TBC1D5: variants seen among roughly 807,000 people sequenced by gnomAD.
TBC1D5 encodes the protein TBC1 domain family member 5, also known as TBC1 domain family, member 5.
TBC1D5 carries 75 observed loss-of-function variants against 100.3 expected under a neutral mutation model. That is an observed-to-expected ratio of 0.75 (90% CI 0.62 to 0.91). The LOEUF is 0.91. TBC1D5 is among the 40% of genes least tolerant of loss of function. The pLI is 0.00. For missense variants in TBC1D5, 910 were observed against 942.4 expected, an observed-to-expected ratio of 0.97 and a Z score of 0.45; for synonymous variants, 323 against 325.6, an observed-to-expected ratio of 0.99 and a Z score of 0.09.
At chr3:17,668,550 A>T (rs530931598) in intron 1 of TBC1D5, among the ~76,000 whole-genome samples, 2 of 152,104 alleles carry the variant, frequency 1.3e-5, no homozygotes, top group African/African-American at 4.8e-5. Flanking sequence ...TACTAATATA[A>T]TCTATTAATA....
At position 17,299,784 on chromosome 3, in the gene TBC1D5, G is replaced by A. The variant is rs1026323378; in HGVS notation, c.1139-7783C>T. The stretch of plus-strand genomic sequence containing the variant: ...TGAGGCAGGAGAATGGCGTGAACCC[G>A]GGAGGCGGAGCTTGCAGTGAGCCGA... On this transcript the variant is annotated intron_variant, in intron 14 of 21. Transcript: ENST00000253692. Among the ~76,000 whole-genome samples, 8 of 148,438 alleles carry A rather than the reference G, an allele frequency of 5.4e-5. No individual in the cohort carries two copies. In the East Asian group the frequency reaches 1.2e-3, roughly 22 times the overall value.
chr3:17,166,416 G>C (rs2066601908), intron 21 of TBC1D5, among the ~76,000 whole-genome samples: 1 of 152,176 alleles, frequency 6.6e-6, no homozygotes, highest in Non-Finnish European at 1.5e-5. Flanking sequence ...TTCCTAAAGG[G>C]GAAAAGAGGC....
intron 13 of TBC1D5, chr3:17,337,725 A>G (rs887550482): frequency 6.6e-6 from 1 of 152,202 alleles, no homozygotes; most frequent in Non-Finnish European, 1.5e-5. Context: ...TAACATCTCT[A>G]TATAATCCAA....
intron 2 of TBC1D5, among the ~76,000 whole-genome samples, chr3:17,551,643 G>C (rs1291205792): frequency 6.6e-6 from 1 of 152,134 alleles, no homozygotes. Context: ...AAGTAGTTCT[G>C]TAATGAGGGA....
At chr3:17,449,661 G>A (rs1352120272) in intron 3 of TBC1D5, among the ~76,000 whole-genome samples, 1 of 152,206 alleles carries the variant, frequency 6.6e-6, no homozygotes, top group Middle Eastern at 3.2e-3. Context: ...CAAAGCTGCT[G>A]TAGCCAGGCT....
chr3:17,631,512 G>A (rs1188287211), intron 1 of TBC1D5, among the ~76,000 whole-genome samples: 3 of 152,186 alleles, frequency 2.0e-5, no homozygotes, highest in Non-Finnish European at 2.9e-5. Flanking sequence ...ACAATATACA[G>A]TATCTTCTTT....
chr3:17,425,336 TA>T (rs1036331086), intron 4 of TBC1D5, among the ~76,000 whole-genome samples: 1 of 152,172 alleles, frequency 6.6e-6, no homozygotes, highest in Non-Finnish European at 1.5e-5. Flanking sequence ...ACATTGTTTT[TA>T]AAAAACAGAC....
chr3:17,729,268 A>G (rs1240715359), intron 1 of TBC1D5, among the ~76,000 whole-genome samples: 3 of 151,088 alleles, frequency 2.0e-5, no homozygotes, highest in Non-Finnish European at 4.4e-5. Context: ...TATTACACAT[A>G]CCCTCTCATA....
chr3:17,172,052 T>C (rs1325688094), intron 19 of TBC1D5, among the ~76,000 whole-genome samples: 2 of 152,198 alleles, frequency 1.3e-5, no homozygotes, highest in African/African-American at 4.8e-5. Flanking sequence ...AAGGACCACC[T>C]TCTAGGATCT....
chr3:17,217,882 A>G (rs2073839796), intron 17 of TBC1D5, among the ~76,000 whole-genome samples: 1 of 151,746 alleles, frequency 6.6e-6, no homozygotes. Flanking sequence ...TCATCTACCT[A>G]TTTTTTCTTT....
intron 2 of TBC1D5, among the ~76,000 whole-genome samples, chr3:17,548,454 T>A: frequency 6.6e-6 from 1 of 152,174 alleles, no homozygotes; most frequent in Non-Finnish European, 1.5e-5. Flanking sequence ...AAGTTTTGTA[T>A]TATAAAAGGA....
At chr3:17,634,482 CA>C (rs1315635620) in intron 1 of TBC1D5, among the ~76,000 whole-genome samples, 1 of 152,020 alleles carries the variant, frequency 6.6e-6, no homozygotes, top group East Asian at 1.9e-4. Context: ...CAGAGAAAGA[CA>C]AATATCACAT....
chr3:17,598,176 T>C (rs1482026870), intron 2 of TBC1D5, among the ~76,000 whole-genome samples: 3 of 152,196 alleles, frequency 2.0e-5, no homozygotes, highest in Non-Finnish European at 4.4e-5. Context: ...AAGCTGCAGA[T>C]TCAACTTGAC....
At chr3:17,728,641 A>C (rs1033982477) in intron 1 of TBC1D5, among the ~76,000 whole-genome samples, 2 of 152,196 alleles carry the variant, frequency 1.3e-5, no homozygotes, top group East Asian at 3.8e-4. Flanking sequence ...AAGGTAACTT[A>C]ATAAATTATG....
intron 19 of TBC1D5, among the ~76,000 whole-genome samples, chr3:17,180,349 C>A (rs2068297914): frequency 6.6e-6 from 1 of 152,050 alleles, no homozygotes; most frequent in Non-Finnish European, 1.5e-5. Flanking sequence ...AATTAAAGGG[C>A]CATTTGACCA....
At chr3:17,285,943 ATTC>A (rs1272541683) in intron 15 of TBC1D5, among the ~76,000 whole-genome samples, 1 of 152,232 alleles carries the variant, frequency 6.6e-6, no homozygotes, top group African/African-American at 2.4e-5. Context: ...ATGAAATTAA[ATTC>A]TTATTTCTAG....
chr3:17,613,567 T>C (rs889318445), intron 2 of TBC1D5, among the ~76,000 whole-genome samples: 1 of 152,234 alleles, frequency 6.6e-6, no homozygotes, highest in Non-Finnish European at 1.5e-5. Flanking sequence ...GACTTTTTAA[T>C]GATCGCCATT....
At chr3:17,384,291 A>C (rs1346059629) in intron 8 of TBC1D5, among the ~76,000 whole-genome samples, 2 of 152,102 alleles carry the variant, frequency 1.3e-5, no homozygotes, top group East Asian at 3.9e-4. Context: ...ATAGCTTTTG[A>C]ATCATATTCT....
At chr3:17,493,795 C>A (rs568176940) in intron 3 of TBC1D5, among the ~76,000 whole-genome samples, 1 of 152,306 alleles carries the variant, frequency 6.6e-6, no homozygotes, top group Admixed American at 6.5e-5. Flanking sequence ...ATGTCCCTCT[C>A]TAAACTGGCT....
Sources: gnomAD v4.1 joint callset for allele counts (sites outside exome capture counted in the v4.1 genomes callset) on GRCh38, gnomAD v4.1.1 for gene constraint, MANE v1.5 for transcripts, NCBI Gene and HGNC (gene_info 2026-07-23, HGNC 2026-07-21) for gene names.